The following MACROD2 variants were observed in gnomAD, a reference collection of about 807,000 sequenced individuals.
MACROD2 encodes ADP-ribose glycohydrolase MACROD2.
A neutral mutation model predicts 70.4 loss-of-function variants in MACROD2; 36 were observed. The observed-to-expected ratio is 0.51, with a 90% CI of 0.39 to 0.68. The LOEUF (loss-of-function observed/expected upper bound fraction) is 0.68, where lower values mean the gene tolerates loss of function less well. Ranked by LOEUF, MACROD2 falls within the 30% of genes least tolerant of loss-of-function variation. The pLI is 0.00. For missense variants in MACROD2, 496 were observed against 538.4 expected, an observed-to-expected ratio of 0.92 and a Z score of 0.78; for synonymous variants, 172 against 178.8, an observed-to-expected ratio of 0.96 and a Z score of 0.30.
chr20:14,150,796 A>G (rs546520447), intron 3 of MACROD2, among the ~76,000 whole-genome samples: 9 of 152,320 alleles, frequency 5.9e-5, no homozygotes, highest in African/African-American at 1.9e-4. Flanking sequence ...GAGAGAGATA[A>G]GAAAAATGAT....
At chr20:14,981,945 A>C (rs1306771064) in intron 5 of MACROD2, among the ~76,000 whole-genome samples, 1 of 152,186 alleles carries the variant, frequency 6.6e-6, no homozygotes, top group African/African-American at 2.4e-5. Context: ...AGAGCTCATA[A>C]GAAGACAGGG....
chr20:15,390,708 T>C (rs1431229962), intron 6 of MACROD2, among the ~76,000 whole-genome samples: 2 of 152,190 alleles, frequency 1.3e-5, no homozygotes, highest in Non-Finnish European at 2.9e-5. Flanking sequence ...AAAAAAAATC[T>C]GTAGGAATAC....
chr20:15,529,414 A>G (rs2047766275), intron 8 of MACROD2, among the ~76,000 whole-genome samples: 1 of 151,964 alleles, frequency 6.6e-6, no homozygotes, highest in South Asian at 2.1e-4. Flanking sequence ...TTGAACCTAT[A>G]CTATATATAT....
At chr20:15,032,060 G>A (rs896876903) in intron 5 of MACROD2, among the ~76,000 whole-genome samples, 1 of 152,198 alleles carries the variant, frequency 6.6e-6, no homozygotes, top group Non-Finnish European at 1.5e-5. Context: ...TGCCTCAAGG[G>A]TGCACACACG....
chr20:14,660,303 A>C (rs1986164686), intron 4 of MACROD2, among the ~76,000 whole-genome samples: 1 of 152,202 alleles, frequency 6.6e-6, no homozygotes, highest in African/African-American at 2.4e-5. Flanking sequence ...AAGGCTTTCA[A>C]GATGTTGGCT....
intron 4 of MACROD2, among the ~76,000 whole-genome samples, chr20:14,661,624 T>A (rs1200919821): frequency 6.6e-6 from 1 of 151,936 alleles, no homozygotes; most frequent in Non-Finnish European, 1.5e-5. Context: ...AATCCCTTGC[T>A]GAGGCCAAGG....
chr20:14,354,513 G>T (rs763000368), intron 3 of MACROD2, among the ~76,000 whole-genome samples: 25 of 152,100 alleles, frequency 1.6e-4, no homozygotes, highest in Non-Finnish European at 3.1e-4. Flanking sequence ...GTGATGGATG[G>T]ACTCTTTCAA....
intron 6 of MACROD2, among the ~76,000 whole-genome samples, chr20:15,291,518 C>T (rs370489928): frequency 3.9e-5 from 6 of 152,196 alleles, no homozygotes; most frequent in African/African-American, 1.2e-4. Context: ...ATTGCATTTT[C>T]TTCCATCTTG....
chr20:16,033,046 T>A (rs2067176405), intron 15 of MACROD2, among the ~76,000 whole-genome samples: 1 of 152,106 alleles, frequency 6.6e-6, no homozygotes, highest in Non-Finnish European at 1.5e-5. Context: ...TGGCACTTGT[T>A]AATTAAAACA....
intron 5 of MACROD2, among the ~76,000 whole-genome samples, chr20:15,100,717 T>C (rs2075865736): frequency 6.6e-6 from 1 of 152,204 alleles, no homozygotes. Flanking sequence ...TTCAAAGAGT[T>C]GATCTGCCTG....
At chr20:15,499,581 T>C (rs2180526) in intron 7 of MACROD2, among the ~76,000 whole-genome samples, 193 bp from the exon 8 acceptor site, 63,554 of 152,056 alleles carry the variant, frequency 0.42, 14,079 homozygotes, top group Non-Finnish European at 0.49. Flanking sequence ...TCTGTACTGG[T>C]GTAGGACCAG....
chr20:14,706,312 T>TAAA (rs11477206), intron 5 of MACROD2, among the ~76,000 whole-genome samples: 3 of 139,860 alleles, frequency 2.1e-5, no homozygotes, highest in African/African-American at 5.3e-5. Context: ...GATTCTATAT[T>TAAA]AAAAAAAAAA....
chr20:15,992,357 G>A (rs2066569751), intron 15 of MACROD2, among the ~76,000 whole-genome samples: 1 of 152,112 alleles, frequency 6.6e-6, no homozygotes, highest in African/African-American at 2.4e-5. Flanking sequence ...ATTCTTTGGT[G>A]TCAGGTTTAT....
At chr20:14,211,626 C>G (rs1334551271) in intron 3 of MACROD2, among the ~76,000 whole-genome samples, 1 of 152,170 alleles carries the variant, frequency 6.6e-6, no homozygotes, top group Non-Finnish European at 1.5e-5. Flanking sequence ...CTGCTATCTG[C>G]TTTCCCATTA....
At chr20:16,023,604 G>A (rs1237296101) in intron 15 of MACROD2, among the ~76,000 whole-genome samples, 1 of 152,088 alleles carries the variant, frequency 6.6e-6, no homozygotes, top group Non-Finnish European at 1.5e-5. Flanking sequence ...GAGGAGGTGG[G>A]GAAATGAGAC....
chr20:15,521,331 A>T (rs1304838211), intron 8 of MACROD2, among the ~76,000 whole-genome samples: 1 of 152,106 alleles, frequency 6.6e-6, no homozygotes, highest in East Asian at 1.9e-4. Context: ...GAACTGGTCG[A>T]CTCTGGTTAA....
At chr20:14,308,012 C>CT (rs1208911846) in intron 3 of MACROD2, among the ~76,000 whole-genome samples, 1 of 152,082 alleles carries the variant, frequency 6.6e-6, no homozygotes, top group East Asian at 1.9e-4. Context: ...GCTGTTCCAA[C>CT]TATAATGTGT....
At chr20:14,509,743 G>A (rs540278983) in intron 4 of MACROD2, among the ~76,000 whole-genome samples, 2 of 151,990 alleles carry the variant, frequency 1.3e-5, no homozygotes, top group South Asian at 4.2e-4. Flanking sequence ...ATTATAAATA[G>A]TAAACAAATG....
At chr20:14,289,977 G>T (rs1266072602) in intron 3 of MACROD2, among the ~76,000 whole-genome samples, 1 of 116,788 alleles carries the variant, frequency 8.6e-6, no homozygotes, top group Non-Finnish European at 1.9e-5. Context: ...GGATTCACTA[G>T]TTTTTCCCCA....
Sources: allele counts gnomAD v4.1 joint callset (sites outside exome capture counted in the v4.1 genomes callset), GRCh38; gene constraint gnomAD v4.1.1; transcripts MANE v1.5; gene names NCBI Gene and HGNC (gene_info 2026-07-23, HGNC 2026-07-21).